The following FANCC variants were observed in gnomAD, a reference collection of about 807,000 sequenced individuals.
FANCC encodes the protein FA complementation group C.
FANCC carries 55 observed loss-of-function variants against 71.3 expected under a neutral mutation model. That is an observed-to-expected ratio of 0.77 (90% CI 0.62 to 0.97). FANCC has a LOEUF of 0.97. Ranked by LOEUF, FANCC falls within the 50% of genes least tolerant of loss-of-function variation. FANCC has a pLI of 0.00. For synonymous variants in FANCC, 275 were observed against 244.9 expected (o/e 1.12, Z -1.15); for missense variants, 678 against 670.9 (o/e 1.01, Z -0.12).
intron 6 of FANCC, among the ~76,000 whole-genome samples, chr9:95,165,361 ATTTTC>A (rs1188543252): frequency 6.7e-6 from 1 of 148,556 alleles, no homozygotes; most frequent in African/African-American, 2.5e-5. Context: ...GATCCTTCTT[ATTTTC>A]TTTTTTTTTC....
chr9:95,267,454 G>A (rs1832446969), intron 1 of FANCC, among the ~76,000 whole-genome samples: 1 of 152,172 alleles, frequency 6.6e-6, no homozygotes, highest in Non-Finnish European at 1.5e-5. Context: ...GCTACACAGG[G>A]GAGAGTGTGC....
At chr9:95,268,485 A>C (rs1027932907) in intron 1 of FANCC, among the ~76,000 whole-genome samples, 2 of 152,192 alleles carry the variant, frequency 1.3e-5, no homozygotes, top group African/African-American at 4.8e-5. Flanking sequence ...TCTCTACTAC[A>C]TATTTATTTC....
intron 4 of FANCC, among the ~76,000 whole-genome samples, chr9:95,221,137 G>A (rs1207182821): frequency 6.6e-6 from 1 of 152,030 alleles, no homozygotes; most frequent in Non-Finnish European, 1.5e-5. Context: ...GAAGGCTGAG[G>A]CAGGGGAATC....
At chr9:95,150,168 AG>A in intron 6 of FANCC, 81 bp from the exon 7 acceptor site, 1 of 1,488,896 alleles carries the variant, frequency 6.7e-7, no homozygotes, top group East Asian at 2.3e-5. Context: ...CATGCTAAAA[AG>A]GTCAAAGACA....
intron 2 of FANCC, among the ~76,000 whole-genome samples, chr9:95,247,762 A>G (rs1831081273): frequency 6.6e-6 from 1 of 152,228 alleles, no homozygotes; most frequent in Non-Finnish European, 1.5e-5. Context: ...GGTAAAATCA[A>G]TTGTGTTGCA....
intron 1 of FANCC, among the ~76,000 whole-genome samples, chr9:95,300,865 G>A (rs1186096303): frequency 1.3e-5 from 2 of 152,184 alleles, no homozygotes; most frequent in African/African-American, 4.8e-5. Context: ...AAGAGAGCCA[G>A]TGGCAAAGAT....
chr9:95,238,299 T>C (rs1830436124), intron 4 of FANCC, among the ~76,000 whole-genome samples: 1 of 152,218 alleles, frequency 6.6e-6, no homozygotes, highest in South Asian at 2.1e-4. Context: ...GACAATGGGA[T>C]ATTCACCTGC....
intron 4 of FANCC, among the ~76,000 whole-genome samples, chr9:95,227,031 C>T (rs1319903282): frequency 6.6e-6 from 1 of 152,128 alleles, no homozygotes; most frequent in Middle Eastern, 3.2e-3. Context: ...CTGCACAGTC[C>T]TGTCTCCTTC....
At chr9:95,276,589 C>A (rs1183860869) in intron 1 of FANCC, among the ~76,000 whole-genome samples, 4 of 152,186 alleles carry the variant, frequency 2.6e-5, no homozygotes, top group Non-Finnish European at 5.9e-5. Context: ...TCTGGTCTGG[C>A]AATACTCAGA....
At chr9:95,180,339 CTTTTTTTT>C (rs34697587) in intron 4 of FANCC, among the ~76,000 whole-genome samples, 9 of 82,162 alleles carry the variant, frequency 1.1e-4, no homozygotes, top group Admixed American at 6.3e-4. Context: ...ACAGTTAACT[CTTTTTTTT>C]TTTTTTTTTT....
chr9:95,300,489 C>T (rs1410981682), intron 1 of FANCC, among the ~76,000 whole-genome samples: 10 of 150,546 alleles, frequency 6.6e-5, no homozygotes, highest in East Asian at 3.9e-4. Flanking sequence ...CTCGCTCTGT[C>T]GCCCAGGCTG....
chr9:95,121,863 T>C (rs1206425075), intron 10 of FANCC, among the ~76,000 whole-genome samples: 1 of 151,610 alleles, frequency 6.6e-6, no homozygotes, highest in Non-Finnish European at 1.5e-5. Flanking sequence ...AATTCATTTT[T>C]TTTTTTTTTT....
chr9:95,183,167 C>G (rs953955442), intron 4 of FANCC, among the ~76,000 whole-genome samples: 4 of 152,160 alleles, frequency 2.6e-5, no homozygotes, highest in African/African-American at 9.7e-5. Context: ...CAAAATCATA[C>G]CCATCTTTCA....
intron 8 of FANCC, among the ~76,000 whole-genome samples, chr9:95,134,261 A>C (rs1017492412): frequency 5.3e-5 from 8 of 152,224 alleles, no homozygotes; most frequent in African/African-American, 1.9e-4. Flanking sequence ...CCAACTAGAA[A>C]GAGAAAGAAA....
chr9:95,288,577 C>A lies in FANCC; in HGVS notation c.-79+28949G>T, dbSNP rs188463778. ...ATTTGTTCTTATAGGTCAACTGAGTCCCAGCACTTGGCTCATGCATTCAGC... is the reference window on the plus strand; with the variant it reads ...ATTTGTTCTTATAGGTCAACTGAGTACCAGCACTTGGCTCATGCATTCAGC... On this transcript the variant is annotated intron_variant, in intron 1 of 14. Coordinates refer to ENST00000289081, the MANE Select transcript of FANCC (RefSeq NM_000136.3). Among the ~76,000 whole-genome samples the A allele has an allele frequency of 3.3e-5, 5 of 152,248 alleles. No individual in the cohort carries two copies. In the East Asian group the frequency reaches 9.7e-4, roughly 29 times the overall value.
chr9:95,160,540 A>C (rs991073269), intron 6 of FANCC, among the ~76,000 whole-genome samples: 5 of 152,306 alleles, frequency 3.3e-5, no homozygotes, highest in African/African-American at 1.2e-4. Context: ...TGAACTTCAA[A>C]GTAGTTTTTT....
intron 10 of FANCC, chr9:95,123,305 AAAAATAAAAT>A (rs1189623756): frequency 6.8e-6 from 2 of 295,608 alleles, no homozygotes; most frequent in African/African-American, 4.5e-5. Context: ...GCCTGTCTCA[AAAAATAAAAT>A]AAAATAAAAA....
intron 1 of FANCC, among the ~76,000 whole-genome samples, chr9:95,301,271 T>C (rs1329361248): frequency 6.6e-6 from 1 of 151,986 alleles, no homozygotes; most frequent in Non-Finnish European, 1.5e-5. Flanking sequence ...CTCAGAAAGA[T>C]GTTCATCATA....
chr9:95,182,817 A>G (rs1826458123), intron 4 of FANCC, among the ~76,000 whole-genome samples: 1 of 152,138 alleles, frequency 6.6e-6, no homozygotes, highest in Non-Finnish European at 1.5e-5. Context: ...GGGCTGGGGA[A>G]GAAGACAAAG....
Sources: gnomAD v4.1 joint callset for allele counts (sites outside exome capture counted in the v4.1 genomes callset) on GRCh38, gnomAD v4.1.1 for gene constraint, MANE v1.5 for transcripts, NCBI Gene and HGNC (gene_info 2026-07-23, HGNC 2026-07-21) for gene names.